Variants in MCU observed in about 807,000 individuals in gnomAD.
The protein encoded by MCU is mitochondrial calcium uniporter, also known as calcium uniporter protein, mitochondrial.
In MCU, 12 loss-of-function variants were observed where a neutral mutation model predicts 45.2. That is an observed-to-expected ratio of 0.27 (90% confidence interval 0.17 to 0.43). The LOEUF (loss-of-function observed/expected upper bound fraction) is 0.43. MCU is among the 20% of genes least tolerant of loss of function. The pLI is 1.00. For synonymous variants in MCU, 160 were observed against 165.1 expected (o/e 0.97, Z 0.24); for missense variants, 324 against 436.7 (o/e 0.74, Z 2.30).
intron 1 of MCU, among the ~76,000 whole-genome samples, chr10:72,704,706 T>TCC (rs1842797846): frequency 1.0e-5 from 1 of 100,254 alleles, no homozygotes; most frequent in Non-Finnish European, 1.8e-5. Context: ...CCTGGATAAT[T>TCC]TTTTTTTTTT....
chr10:72,814,255 C>T (rs186371615), intron 1 of MCU, among the ~76,000 whole-genome samples: 217 of 152,306 alleles, frequency 1.4e-3, no homozygotes, highest in Non-Finnish European at 2.5e-3. Context: ...TGGCATTCTG[C>T]AACTGCCTTT....
chr10:72,732,156 G>A (rs1403496540), intron 1 of MCU, among the ~76,000 whole-genome samples: 1 of 152,130 alleles, frequency 6.6e-6, no homozygotes, highest in Non-Finnish European at 1.5e-5. Flanking sequence ...GATGTGAAGT[G>A]GCATCTCATT....
chr10:72,798,622 T>G (rs991816189), intron 1 of MCU, among the ~76,000 whole-genome samples: 3 of 152,084 alleles, frequency 2.0e-5, no homozygotes, highest in Admixed American at 6.5e-5. Flanking sequence ...TATATGTATT[T>G]AGTTGTTGTT....
chr10:72,772,080 G>A (rs1368868097), intron 1 of MCU, among the ~76,000 whole-genome samples: 1 of 152,256 alleles, frequency 6.6e-6, no homozygotes, highest in Non-Finnish European at 1.5e-5. Flanking sequence ...GAAGCACAGT[G>A]ACTGCCTGAA....
At chr10:72,791,564 G>A (rs1844161098) in intron 1 of MCU, among the ~76,000 whole-genome samples, 2 of 151,964 alleles carry the variant, frequency 1.3e-5, no homozygotes, top group African/African-American at 4.8e-5. Context: ...CTTTCTTTGA[G>A]GTTTTATCTG....
chr10:72,868,455 C>T (rs1845491450), intron 4 of MCU, among the ~76,000 whole-genome samples: 1 of 151,232 alleles, frequency 6.6e-6, no homozygotes, highest in Non-Finnish European at 1.5e-5. Flanking sequence ...GGGAAGTTAA[C>T]GTCGGAGGAT....
chr10:72,816,736 T>C (rs371709850), intron 1 of MCU, among the ~76,000 whole-genome samples: 13 of 152,236 alleles, frequency 8.5e-5, no homozygotes, highest in African/African-American at 2.9e-4. Context: ...CCAGCCTGAG[T>C]GACACAGGAG....
rs75652878 is a variant in MCU at position 72,796,553 on chromosome 10, C to G, written c.151-37806C>G. ...ATTTTTTATTTTTAAAGAGACAGGT[C>G]TCGCTTTGTTACTCATGTTGGAGTA... is the stretch of plus-strand genomic sequence containing the variant. On this transcript the variant is annotated intron_variant, in intron 1 of 7. Transcript: ENST00000373053. Among the ~76,000 whole-genome samples the G allele has an allele frequency of 4.0e-3, 611 of 152,262 alleles. 6 individuals are homozygous for G. Among genetic ancestry groups the G allele is most frequent in the African/African-American group, 0.014 (573 of 41,524 alleles).
Position 72,763,837 on chromosome 10 carries a change from G to A in MCU, c.151-70522G>A, listed in dbSNP as rs148790531. On this transcript the variant is annotated intron_variant, in intron 1 of 7. Transcript: ENST00000373053. ...TTAAGTTTTTGGCTTAGGTGACTGAGTCATACCATCAGAGATAGGAAAATA... is the reference window on the plus strand; with the variant it reads ...TTAAGTTTTTGGCTTAGGTGACTGAATCATACCATCAGAGATAGGAAAATA... Among the ~76,000 whole-genome samples, 681 of 152,240 alleles carry A rather than the reference G, an allele frequency of 4.5e-3. 4 individuals are homozygous for A. The highest frequency in any genetic ancestry group is 0.016 in the African/African-American group (648 of 41,530).
chr10:72,798,323 G>A (rs916299976), intron 1 of MCU, among the ~76,000 whole-genome samples: 5 of 152,024 alleles, frequency 3.3e-5, no homozygotes, highest in African/African-American at 1.2e-4. Flanking sequence ...ATGGAGTCTC[G>A]CTCTGTTGCC....
At chr10:72,746,417 T>G (rs1050531211) in intron 1 of MCU, among the ~76,000 whole-genome samples, 3 of 152,204 alleles carry the variant, frequency 2.0e-5, no homozygotes, top group Non-Finnish European at 2.9e-5. Flanking sequence ...AGTAGAGGCA[T>G]AAATGTTATC....
intron 2 of MCU, among the ~76,000 whole-genome samples, chr10:72,845,381 A>C (rs1446598143): frequency 6.6e-6 from 1 of 152,182 alleles, no homozygotes; most frequent in Non-Finnish European, 1.5e-5. Flanking sequence ...AATAGGGGGA[A>C]AATCTGGTTT....
chr10:72,707,879 G>T (rs113920562), intron 1 of MCU, among the ~76,000 whole-genome samples: 1 of 151,940 alleles, frequency 6.6e-6, no homozygotes, highest in African/African-American at 2.4e-5. Context: ...TCACTATGTT[G>T]TCCAGACTGG....
Position 72,749,980 on chromosome 10 carries a change from A to T in MCU, c.150+57679A>T, listed in dbSNP as rs556911894. Reference sequence around the variant, plus strand: ...TTTTCAGTAGAGGCAGGGTTTCACCATGTTGACTGGGCTGGTCTTGAACTC... The same window carrying T: ...TTTTCAGTAGAGGCAGGGTTTCACCTTGTTGACTGGGCTGGTCTTGAACTC... On this transcript the variant is annotated intron_variant, in intron 1 of 7. Coordinates refer to ENST00000373053, the MANE Select transcript of MCU (RefSeq NM_138357.3). 1.4e-3 allele frequency among the ~76,000 whole-genome samples: 217 copies of T among 150,038 alleles called. 2 individuals carry two copies. The highest frequency in any genetic ancestry group is 4.9e-3 in the African/African-American group (198 of 40,734).
chr10:72,781,223 T>C (rs1843989209), intron 1 of MCU, among the ~76,000 whole-genome samples: 1 of 152,190 alleles, frequency 6.6e-6, no homozygotes, highest in African/African-American at 2.4e-5. Flanking sequence ...AGTTTGGAGA[T>C]AAGAAATTAT....
intron 1 of MCU, among the ~76,000 whole-genome samples, chr10:72,821,297 T>C (rs1844708549): frequency 6.6e-6 from 1 of 152,060 alleles, no homozygotes; most frequent in Non-Finnish European, 1.5e-5. Flanking sequence ...ATTTTCTTAA[T>C]GGAATGCACC....
chr10:72,740,527 CTTAT>C (rs1203658740), intron 1 of MCU, among the ~76,000 whole-genome samples: 1 of 152,092 alleles, frequency 6.6e-6, no homozygotes, highest in African/African-American at 2.4e-5. Flanking sequence ...CAAAATCAAA[CTTAT>C]TTATCAGTTT....
chr10:72,799,461 G>A (rs1436071577), intron 1 of MCU, among the ~76,000 whole-genome samples: 1 of 151,826 alleles, frequency 6.6e-6, no homozygotes, highest in Non-Finnish European at 1.5e-5. Flanking sequence ...CTAGCTTTGT[G>A]TACTCGTGAC....
intron 1 of MCU, among the ~76,000 whole-genome samples, chr10:72,723,453 T>C (rs1006012185): frequency 6.6e-6 from 1 of 152,178 alleles, no homozygotes; most frequent in Non-Finnish European, 1.5e-5. Flanking sequence ...GAAAAAGTGC[T>C]ACTCAGAGAC....
Sources: allele counts gnomAD v4.1 joint callset (sites outside exome capture counted in the v4.1 genomes callset), GRCh38; gene constraint gnomAD v4.1.1; transcripts MANE v1.5; gene names NCBI Gene and HGNC (gene_info 2026-07-23, HGNC 2026-07-21).